Variants in EXOC4 observed in about 807,000 individuals in gnomAD.
The protein encoded by EXOC4 is exocyst complex component 4, also known as SEC8-like 1.
Under a neutral mutation model 107.2 loss-of-function variants are expected in EXOC4, and 71 were observed. That is an observed-to-expected ratio of 0.66 (90% CI 0.55 to 0.81). The LOEUF is 0.81. EXOC4 is among the 30% of genes least tolerant of loss of function. EXOC4 has a pLI of 0.00. For missense variants in EXOC4, 1,108 were observed against 1,189.6 expected, an observed-to-expected ratio of 0.93 and a Z score of 1.01; for synonymous variants, 456 against 441.2, an observed-to-expected ratio of 1.03 and a Z score of -0.42.
At chr7:133,379,516 G>C (rs1182315194) in intron 7 of EXOC4, among the ~76,000 whole-genome samples, 1 of 151,980 alleles carries the variant, frequency 6.6e-6, no homozygotes, top group Non-Finnish European at 1.5e-5. Flanking sequence ...GACATTTTTA[G>C]AATATATAAA....
intron 9 of EXOC4, among the ~76,000 whole-genome samples, chr7:133,561,596 A>G (rs937629228): frequency 6.6e-6 from 1 of 152,234 alleles, no homozygotes; most frequent in African/African-American, 2.4e-5. Context: ...ACTCTACAGC[A>G]GGTTCTTGAA....
intron 17 of EXOC4, among the ~76,000 whole-genome samples, chr7:134,022,000 G>T (rs1795041561): frequency 6.6e-6 from 1 of 152,124 alleles, no homozygotes; most frequent in Non-Finnish European, 1.5e-5. Context: ...TGATATATTT[G>T]ACCAGAAATT....
chr7:133,897,712 A>T (rs56067609), intron 12 of EXOC4, among the ~76,000 whole-genome samples: 23,080 of 149,540 alleles, frequency 0.15, 2,112 homozygotes, highest in African/African-American at 0.24. Context: ...ATGCTTTTTT[A>T]AAATTTTTAA....
intron 5 of EXOC4, among the ~76,000 whole-genome samples, chr7:133,330,245 C>A (rs1181620081): frequency 6.6e-6 from 1 of 152,076 alleles, no homozygotes; most frequent in Non-Finnish European, 1.5e-5. Context: ...CCTATTCAAG[C>A]CTCAGCAATG....
the EXOC4 span, among the ~76,000 whole-genome samples, chr7:134,087,934 G>T: frequency 6.6e-6 from 1 of 152,086 alleles, no homozygotes; most frequent in African/African-American, 2.4e-5. Context: ...CTTTAAATTG[G>T]CATTGATGTA....
intron 17 of EXOC4, among the ~76,000 whole-genome samples, chr7:134,051,883 G>A: frequency 6.6e-6 from 1 of 151,728 alleles, no homozygotes; most frequent in Non-Finnish European, 1.5e-5. Flanking sequence ...CTACTCAGGA[G>A]GCTCAGGCAG....
downstream of EXOC4, among the ~76,000 whole-genome samples, chr7:134,067,027 G>A (rs1389107222): frequency 6.6e-6 from 1 of 151,864 alleles, no homozygotes; most frequent in Admixed American, 6.6e-5. Flanking sequence ...GTGCACACCT[G>A]TAATCCCAGC....
chr7:133,930,890 T>C (rs2116697614), intron 13 of EXOC4, among the ~76,000 whole-genome samples: 1 of 152,286 alleles, frequency 6.6e-6, no homozygotes, highest in South Asian at 2.1e-4. Context: ...CCTTGTGTAA[T>C]CACCTAGTAT....
intron 11 of EXOC4, among the ~76,000 whole-genome samples, chr7:133,845,296 C>T: frequency 6.6e-6 from 1 of 150,474 alleles, no homozygotes; most frequent in Non-Finnish European, 1.5e-5. Flanking sequence ...ATGTACTGAG[C>T]ACCCAGCATG....
intron 10 of EXOC4, among the ~76,000 whole-genome samples, chr7:133,689,041 A>G (rs1794365277): frequency 6.6e-6 from 1 of 152,190 alleles, no homozygotes; most frequent in South Asian, 2.1e-4. Context: ...TAGTTTGGAA[A>G]AGAAACACAA....
At chr7:133,525,318 T>C (rs1234217346) in intron 9 of EXOC4, among the ~76,000 whole-genome samples, 1 of 152,228 alleles carries the variant, frequency 6.6e-6, no homozygotes, top group Non-Finnish European at 1.5e-5. Flanking sequence ...TGAGATCAGC[T>C]AGGCCATTTC....
intron 10 of EXOC4, among the ~76,000 whole-genome samples, chr7:133,638,544 C>T (rs1802768788): frequency 6.6e-6 from 1 of 152,170 alleles, no homozygotes; most frequent in African/African-American, 2.4e-5. Flanking sequence ...CTTTGGAACA[C>T]AAAGAGACTC....
chr7:133,803,561 T>C, intron 10 of EXOC4, among the ~76,000 whole-genome samples: 1 of 152,204 alleles, frequency 6.6e-6, no homozygotes, highest in African/African-American at 2.4e-5. Flanking sequence ...GATAATATTG[T>C]AATCGAAATT....
At chr7:133,524,680 C>T (rs1294166039) in intron 9 of EXOC4, among the ~76,000 whole-genome samples, 1 of 152,006 alleles carries the variant, frequency 6.6e-6, no homozygotes, top group Non-Finnish European at 1.5e-5. Context: ...TTCCCAGCAC[C>T]ATTTATTAAA....
chr7:133,584,022 G>A (rs958140596), intron 9 of EXOC4, among the ~76,000 whole-genome samples: 9 of 152,146 alleles, frequency 5.9e-5, no homozygotes, highest in African/African-American at 2.2e-4. Context: ...GGAGGAGTGC[G>A]AGATGACTAT....
intron 17 of EXOC4, among the ~76,000 whole-genome samples, chr7:134,017,749 TCAAAAAAATCTCTCAGTAACTGACG>T (rs1794942962): frequency 6.6e-6 from 1 of 152,208 alleles, no homozygotes; most frequent in Non-Finnish European, 1.5e-5. Context: ...TCTAAGCCTC[TCAAAAAAATCTCTCAGTAACTGACG>T]TTTGATTCCC....
the EXOC4 span, among the ~76,000 whole-genome samples, chr7:134,071,733 A>G: frequency 1.3e-5 from 2 of 152,220 alleles, no homozygotes; most frequent in Admixed American, 6.5e-5. Flanking sequence ...CTGGGCCTAC[A>G]TGCAGGAATG....
intron 10 of EXOC4, among the ~76,000 whole-genome samples, chr7:133,703,347 C>G (rs1794705146): frequency 6.6e-6 from 1 of 152,218 alleles, no homozygotes; most frequent in South Asian, 2.1e-4. Context: ...TATATTCACT[C>G]TACATTGATG....
chr7:133,977,264 T>A (rs1396381650), intron 14 of EXOC4, among the ~76,000 whole-genome samples: 1 of 152,198 alleles, frequency 6.6e-6, no homozygotes, highest in Non-Finnish European at 1.5e-5. Context: ...TCTAAAAAGT[T>A]AAAAAGTAAA....
Sources: allele counts gnomAD v4.1 joint callset (sites outside exome capture counted in the v4.1 genomes callset), GRCh38; gene constraint gnomAD v4.1.1; transcripts MANE v1.5; gene names NCBI Gene and HGNC (gene_info 2026-07-23, HGNC 2026-07-21).